The following CDK14 variants were observed in gnomAD, a reference collection of about 807,000 sequenced individuals.
The protein encoded by CDK14 is cyclin dependent kinase 14, also known as cyclin-dependent kinase 14.
CDK14 carries 34 observed loss-of-function variants against 60.7 expected under a neutral mutation model. That is an observed-to-expected ratio of 0.56 (90% CI 0.43 to 0.75). The LOEUF is 0.75. Ranked by LOEUF, CDK14 falls within the 30% of genes least tolerant of loss-of-function variation. CDK14 has a pLI of 0.00. For synonymous variants in CDK14, 197 were observed against 203.7 expected, an observed-to-expected ratio of 0.97 and a Z score of 0.28; for missense variants, 482 against 564.1, an observed-to-expected ratio of 0.85 and a Z score of 1.47.
chr7:90,796,783 G>C (rs1788451307), intron 5 of CDK14, among the ~76,000 whole-genome samples: 1 of 150,458 alleles, frequency 6.6e-6, no homozygotes, highest in Non-Finnish European at 1.5e-5. Context: ...AAAATGTCTT[G>C]TTGGGAATGT....
At chr7:90,908,863 T>C (rs185300277) in intron 7 of CDK14, among the ~76,000 whole-genome samples, 3 of 152,302 alleles carry the variant, frequency 2.0e-5, no homozygotes, top group African/African-American at 7.2e-5. Flanking sequence ...TTTTCTTTGG[T>C]ATAACTTGTT....
intron 14 of CDK14, among the ~76,000 whole-genome samples, chr7:91,173,387 A>C (rs1346477489): frequency 6.6e-6 from 1 of 151,980 alleles, no homozygotes; most frequent in African/African-American, 2.4e-5. Context: ...TGAGCCCAGG[A>C]ATTCAAGACC....
At chr7:90,600,680 GAC>G (rs1799297279) in intron 1 of CDK14, among the ~76,000 whole-genome samples, 1 of 152,186 alleles carries the variant, frequency 6.6e-6, no homozygotes, top group African/African-American at 2.4e-5. Context: ...TAAATGTTCA[GAC>G]ACAAAATTTA....
At chr7:90,925,754 A>G (rs983734443) in intron 8 of CDK14, among the ~76,000 whole-genome samples, 1 of 152,240 alleles carries the variant, frequency 6.6e-6, no homozygotes, top group Non-Finnish European at 1.5e-5. Context: ...CAAAGAATTG[A>G]AAGCGGGAGA....
intron 14 of CDK14, among the ~76,000 whole-genome samples, chr7:91,132,011 T>C (rs902790272): frequency 1.7e-4 from 26 of 151,796 alleles, no homozygotes; most frequent in African/African-American, 6.3e-4. Flanking sequence ...GTTGGTTGGT[T>C]GGTTGGTTGG....
chr7:90,855,756 C>T (rs943197884), intron 5 of CDK14, among the ~76,000 whole-genome samples: 2 of 152,118 alleles, frequency 1.3e-5, no homozygotes, highest in African/African-American at 4.8e-5. Flanking sequence ...CAAATATTGG[C>T]AGTTTCATGT....
At chr7:90,789,438 A>G (rs1032177978) in intron 4 of CDK14, among the ~76,000 whole-genome samples, 7 of 152,068 alleles carry the variant, frequency 4.6e-5, no homozygotes, top group Non-Finnish European at 1.0e-4. Context: ...TTGTCTCTCC[A>G]TGTTTGAGGT....
chr7:91,051,759 T>G (rs1797399212), intron 11 of CDK14, among the ~76,000 whole-genome samples: 1 of 152,250 alleles, frequency 6.6e-6, no homozygotes, highest in Admixed American at 6.5e-5. Flanking sequence ...CTCTCTGCTA[T>G]AAATTCCTCC....
chr7:90,744,487 G>T (rs555124465), intron 3 of CDK14, among the ~76,000 whole-genome samples: 2 of 152,270 alleles, frequency 1.3e-5, no homozygotes, highest in African/African-American at 2.4e-5. Context: ...CCACAAAACC[G>T]CCATTGTCAT....
chr7:91,080,427 A>AT (rs1328142193), intron 12 of CDK14, among the ~76,000 whole-genome samples: 1 of 152,146 alleles, frequency 6.6e-6, no homozygotes. Flanking sequence ...TTGGCCATTT[A>AT]TTTTTATTAA....
chr7:90,819,548 G>C (rs1000056915), intron 5 of CDK14, among the ~76,000 whole-genome samples: 1 of 150,392 alleles, frequency 6.6e-6, no homozygotes, highest in Non-Finnish European at 1.5e-5. Context: ...TTTAATTACT[G>C]TAGGCCTGGT....
intron 2 of CDK14, among the ~76,000 whole-genome samples, chr7:90,680,971 T>A (rs1371085125): frequency 6.6e-6 from 1 of 152,212 alleles, no homozygotes; most frequent in African/African-American, 2.4e-5. Flanking sequence ...AATTAAAGTA[T>A]TTTTTAATGG....
chr7:90,743,517 C>T (rs550410752), intron 3 of CDK14, among the ~76,000 whole-genome samples: 65 of 152,082 alleles, frequency 4.3e-4, no homozygotes, highest in Non-Finnish European at 7.9e-4. Flanking sequence ...TTAATTAAGC[C>T]GCTGTTTCTA....
intron 4 of CDK14, among the ~76,000 whole-genome samples, chr7:90,772,209 G>A (rs17163166): frequency 2.0e-5 from 3 of 152,192 alleles, no homozygotes; most frequent in Non-Finnish European, 2.9e-5. Flanking sequence ...CAGCCAGGTA[G>A]GTTCTGCCTC....
chr7:90,952,691 A>G (rs1158993139), intron 8 of CDK14, among the ~76,000 whole-genome samples: 3 of 152,182 alleles, frequency 2.0e-5, no homozygotes, highest in Non-Finnish European at 2.9e-5. Flanking sequence ...CTAAACATTA[A>G]TATAAGAAGT....
chr7:91,186,171 TCCTCCCCTCC>T (rs1802179338), intron 14 of CDK14, among the ~76,000 whole-genome samples: 1 of 7,876 alleles, frequency 1.3e-4, no homozygotes, highest in Non-Finnish European at 2.4e-4. Flanking sequence ...CCCTCTCCTC[TCCTCCCCTCC>T]CCTCTCCTCT....
intron 4 of CDK14, among the ~76,000 whole-genome samples, chr7:90,748,348 G>T (rs1400798464): frequency 1.3e-5 from 2 of 151,998 alleles, no homozygotes; most frequent in Non-Finnish European, 2.9e-5. Context: ...CACAGATTTG[G>T]ATTCTTGAAA....
Position 90,596,506 on chromosome 7 carries a change from C to T in CDK14, c.-122C>T. 2 of 761,744 alleles carry T rather than the reference C, an allele frequency of 2.6e-6. No individual in the cohort carries two copies. Among genetic ancestry groups the T allele is most frequent in the South Asian group, 3.2e-5 (2 of 62,302 alleles). 47.2% of individuals were successfully genotyped at this position (761,744 alleles called of 1,614,324 possible). ...CCTCCCTAGACCTGCGCGTCGCTTC[C>T]CGGCCCGCCGAGGAGGTGGTGGAGG... On this transcript the variant is annotated 5_prime_UTR_variant, in exon 1 of 15. Coordinates refer to ENST00000380050, the MANE Select transcript of CDK14 (RefSeq NM_001287135.2).
At chr7:90,957,649 T>C (rs917401697) in intron 9 of CDK14, among the ~76,000 whole-genome samples, 21 of 152,102 alleles carry the variant, frequency 1.4e-4, no homozygotes, top group African/African-American at 4.8e-4. Context: ...TTACAAGGGA[T>C]GTGAAGGACC....
Sources: allele counts gnomAD v4.1 joint callset (sites outside exome capture counted in the v4.1 genomes callset), GRCh38; gene constraint gnomAD v4.1.1; transcripts MANE v1.5; gene names NCBI Gene and HGNC (gene_info 2026-07-23, HGNC 2026-07-21).